The following HAUS2 variants were observed in gnomAD, a reference collection of about 807,000 sequenced individuals.
HAUS2 encodes the protein HAUS augmin like complex subunit 2, also known as HAUS augmin-like complex subunit 2.
In HAUS2, 20 loss-of-function variants were observed where a neutral mutation model predicts 21.6. The observed-to-expected ratio is 0.93, with a 90% confidence interval of 0.65 to 1.35. The LOEUF is 1.35. Ranked by LOEUF, HAUS2 falls within the 40% of genes most tolerant of loss-of-function variation. HAUS2 has a pLI of 0.00. For missense variants in HAUS2, 297 were observed against 280.7 expected (o/e 1.06, Z -0.42); for synonymous variants, 113 against 95.6 (o/e 1.18, Z -1.06).
In HAUS2 at chr15:42,567,116, A is replaced by G. The variant is rs2057914625; in HGVS notation, c.*300A>G. The G allele has an allele frequency of 7.7e-6, 2 of 258,664 alleles. No individual in the cohort carries two copies. The highest frequency in any genetic ancestry group is 1.5e-5 in the Non-Finnish European group (2 of 133,630). 16.0% of individuals were successfully genotyped at this position (258,664 alleles called of 1,614,324 possible). A position where few individuals can be genotyped will look rare whatever the true frequency, so the allele number is the denominator to read the frequency against. ...TCTCTTTTTTTAAAAATGTGTGTTT[A>G]TCGTCTGGTGTGGTGGCTCACACCT... On this transcript the variant is annotated 3_prime_UTR_variant, in exon 6 of 6. Coordinates refer to ENST00000260372, the MANE Select transcript of HAUS2 (RefSeq NM_018097.3).
Position 42,558,227 on chromosome 15 carries a change from T to G in HAUS2, c.123T>G (p.Val41=). 1 of 1,494,892 alleles carries G rather than the reference T, an allele frequency of 6.7e-7. No individual in the cohort carries two copies. The highest frequency in any genetic ancestry group is 1.2e-5 in the South Asian group (1 of 86,390). The allele number at this position is 1,494,892 out of a possible 1,614,324, so 92.6% of individuals were successfully genotyped here. A position where few individuals can be genotyped will look rare whatever the true frequency, so the allele number is the denominator to read the frequency against. The part of the protein sequence containing the change: ...QEMLNMSKKT[V]SCFVNFTRLQ... Reference sequence around the variant, plus strand: ...TGTTAAACATGTCTAAGAAAACAGTTTCTTGTTTTGTGAACTTCACCAGAC... The same window carrying G: ...TGTTAAACATGTCTAAGAAAACAGTGTCTTGTTTTGTGAACTTCACCAGAC... The change falls in exon 2 of 6, where the codon GTT becomes GTG. Residue 41 remains valine (V), a synonymous_variant. Coordinates refer to ENST00000260372, the MANE Select transcript of HAUS2 (RefSeq NM_018097.3).
At chr15:42,550,861 G>C (rs192534057) in intron 1 of HAUS2, among the ~76,000 whole-genome samples, 1 of 152,106 alleles carries the variant, frequency 6.6e-6, no homozygotes, top group East Asian at 1.9e-4. Flanking sequence ...TAGAAATGGG[G>C]TTTCACCATG....
chr15:42,559,403 TTTTGGGTAAGTGG>T lies in HAUS2; in HGVS notation c.256+1_256+13del. The T allele has an allele frequency of 6.3e-7, 1 of 1,594,368 alleles. No individual in the cohort carries two copies. On this transcript the variant is annotated splice_donor_variant and splice_donor_5th_base_variant and coding_sequence_variant and intron_variant, in exon 3 of 6. Coordinates refer to ENST00000260372, the MANE Select transcript of HAUS2 (RefSeq NM_018097.3). LOFTEE classifies it high-confidence loss of function. ...ACAGCAGATGTTGTTCATCCTTTCTTTTTGGGTAAGTGGTTTGGTTAAGTGGATAATCACTGGA... is the reference window on the plus strand; with the variant it reads ...ACAGCAGATGTTGTTCATCCTTTCTTTTTGGTTAAGTGGATAATCACTGGA...
At position 42,548,851 on chromosome 15, in the gene HAUS2, TCGCGGAAGGTG is replaced by T; in HGVS notation, c.-19_-9del. On this transcript the variant is annotated 5_prime_UTR_variant, in exon 1 of 6. Transcript: ENST00000260372. ...GCGATCCCGCTCACTCTTGGCGCCTTCGCGGAAGGTGCGTCCGAGCCATGGCCGCTGCCAAC... is the reference window on the plus strand; with the variant it reads ...GCGATCCCGCTCACTCTTGGCGCCTTCGTCCGAGCCATGGCCGCTGCCAAC... 6.5e-7 allele frequency: 1 copy of T among 1,537,774 alleles called. No homozygotes were observed. Among genetic ancestry groups the T allele is most frequent in the Non-Finnish European group, 8.8e-7 (1 of 1,137,408 alleles).
intron 4 of HAUS2, among the ~76,000 whole-genome samples, chr15:42,563,037 C>T (rs2057866292): frequency 6.6e-6 from 1 of 151,816 alleles, no homozygotes; most frequent in African/African-American, 2.4e-5. Flanking sequence ...CACTTGAACC[C>T]AGGAGGCAGA....
intron 1 of HAUS2, among the ~76,000 whole-genome samples, chr15:42,554,379 A>G (rs1208610305): frequency 6.6e-6 from 1 of 151,904 alleles, no homozygotes; most frequent in African/African-American, 2.4e-5. Context: ...ACTATACTCA[A>G]TATTGTGCAA....
At chr15:42,551,459 G>A (rs2057724454) in intron 1 of HAUS2, among the ~76,000 whole-genome samples, 1 of 151,954 alleles carries the variant, frequency 6.6e-6, no homozygotes, top group Non-Finnish European at 1.5e-5. Context: ...GGGCCAACAT[G>A]GTGAAACCCA....
chr15:42,560,901 C>T, intron 3 of HAUS2: 1 of 697,184 alleles, frequency 1.4e-6, no homozygotes. Flanking sequence ...TAAGGTGACT[C>T]TTTTTCGATG....
At chr15:42,563,272 C>T (rs1378686214) in intron 4 of HAUS2, among the ~76,000 whole-genome samples, 9 of 150,262 alleles carry the variant, frequency 6.0e-5, no homozygotes, top group Admixed American at 1.3e-4. Flanking sequence ...ATTAGCCAGG[C>T]GTGGTGGTGG....
In HAUS2 at chr15:42,568,633, T is replaced by C. The variant is rs146380957; in HGVS notation, c.*1817T>C. On this transcript the variant is annotated 3_prime_UTR_variant, in exon 6 of 6. Coordinates refer to ENST00000260372, the MANE Select transcript of HAUS2 (RefSeq NM_018097.3). ...CCTGTGGTTTGTGCTGAAAACCTGC[T>C]TTCTTCCTGGGAGTCTAGAATTTTG... is the stretch of plus-strand genomic sequence containing the variant. 8 of 152,358 alleles carry C rather than the reference T, an allele frequency of 5.3e-5. No homozygotes were observed. Among genetic ancestry groups the C allele is most frequent in the Non-Finnish European group, 8.8e-5 (6 of 68,032 alleles). The allele number at this position is 152,358 out of a possible 1,614,324, so 9.4% of individuals were successfully genotyped here. A position where few individuals can be genotyped will look rare whatever the true frequency, so the allele number is the denominator to read the frequency against.
intron 1 of HAUS2, among the ~76,000 whole-genome samples, chr15:42,552,791 A>C (rs1406721398): frequency 6.6e-6 from 1 of 152,010 alleles, no homozygotes; most frequent in South Asian, 2.1e-4. Flanking sequence ...TGTTTTCTTA[A>C]CTTGTGTCCT....
chr15:42,555,636 A>T (rs1015462623), intron 1 of HAUS2, among the ~76,000 whole-genome samples: 2 of 152,060 alleles, frequency 1.3e-5, no homozygotes, highest in African/African-American at 4.8e-5. Context: ...AATGTTTTTG[A>T]TCTTTCTATC....
intron 5 of HAUS2, among the ~76,000 whole-genome samples, chr15:42,566,256 G>C (rs1426322124): frequency 1.3e-5 from 2 of 151,974 alleles, no homozygotes; most frequent in African/African-American, 4.8e-5. Flanking sequence ...TGCACATGTA[G>C]TAAATGGTCA....
At chr15:42,561,184 G>C in intron 3 of HAUS2, 86 bp from the exon 4 acceptor site, 1 of 775,548 alleles carries the variant, frequency 1.3e-6, no homozygotes, top group Non-Finnish European at 2.2e-6. Context: ...TTTTTGACAT[G>C]GGTAGTGTCA....
At position 42,559,344 on chromosome 15, in the gene HAUS2, C is replaced by G; in HGVS notation, c.192C>G (p.Asn64Lys). ...TACTTTTGTTCCTCATGTAGAAAAACCTGGAAATTGAACTCCTGAAACTAG... is the reference window on the plus strand; with the variant it reads ...TACTTTTGTTCCTCATGTAGAAAAAGCTGGAAATTGAACTCCTGAAACTAG... ...TNIQAEIYQK[N>K]LEIELLKLEK... Residue 64 changes from asparagine (N) to lysine (K), a missense_variant, in exon 3 of 6, where the codon AAC (asparagine) becomes AAG (lysine). Asn to Lys is a moderately conservative substitution (Grantham distance 94, BLOSUM62 0). Coordinates refer to ENST00000260372, the MANE Select transcript of HAUS2 (RefSeq NM_018097.3). 1 of 1,589,732 alleles carries G rather than the reference C, an allele frequency of 6.3e-7. No homozygotes were observed. The highest frequency in any genetic ancestry group is 1.3e-5 in the African/African-American group (1 of 74,552).
intron 3 of HAUS2, among the ~76,000 whole-genome samples, chr15:42,559,872 C>G (rs2057830125): frequency 6.6e-6 from 1 of 152,076 alleles, no homozygotes; most frequent in African/African-American, 2.4e-5. Context: ...AGAAAATGTT[C>G]TTGTGGCCAG....
chr15:42,567,081 G>A lies in HAUS2; in HGVS notation c.*265G>A. Reference sequence around the variant, plus strand: ...ATATAAGTGAATTAACCATTTCTCAGGTGGGAAATTCTCTTTTTTTAAAAA... The same window carrying A: ...ATATAAGTGAATTAACCATTTCTCAAGTGGGAAATTCTCTTTTTTTAAAAA... On this transcript the variant is annotated 3_prime_UTR_variant, in exon 6 of 6. Transcript: ENST00000260372. 1 of 280,318 alleles carries A rather than the reference G, an allele frequency of 3.6e-6. No individual in the cohort carries two copies. Among genetic ancestry groups the A allele is most frequent in the South Asian group, 4.4e-5 (1 of 22,774 alleles). The allele number at this position is 280,318 out of a possible 1,614,324, so 17.4% of individuals were successfully genotyped here.
At chr15:42,559,969 C>T (rs867276358) in intron 3 of HAUS2, among the ~76,000 whole-genome samples, 5 of 152,112 alleles carry the variant, frequency 3.3e-5, no homozygotes, top group African/African-American at 7.2e-5. Flanking sequence ...GACCAGCCAA[C>T]ATGGTGAAAC....
chr15:42,568,754 C>T lies in HAUS2; in HGVS notation c.*1938C>T, dbSNP rs1011833687. 6.6e-6 allele frequency: 1 copy of T among 152,222 alleles called. No individual in the cohort carries two copies. Among genetic ancestry groups the T allele is most frequent in the Non-Finnish European group, 1.5e-5 (1 of 68,052 alleles). 9.4% of individuals were successfully genotyped at this position (152,222 alleles called of 1,614,324 possible). Reference sequence around the variant, plus strand: ...AGTTTCCCTGGTAAACAACATTTCTCACATGTTGTCACAATTCAGTTGCTG... The same window carrying T: ...AGTTTCCCTGGTAAACAACATTTCTTACATGTTGTCACAATTCAGTTGCTG... On this transcript the variant is annotated 3_prime_UTR_variant, in exon 6 of 6. Coordinates refer to ENST00000260372, the MANE Select transcript of HAUS2 (RefSeq NM_018097.3).
Sources: allele counts gnomAD v4.1 joint callset (sites outside exome capture counted in the v4.1 genomes callset), GRCh38; gene constraint gnomAD v4.1.1; transcripts MANE v1.5; gene names NCBI Gene and HGNC (gene_info 2026-07-23, HGNC 2026-07-21).